TIMP3: variants seen among roughly 807,000 people sequenced by gnomAD.
The protein encoded by TIMP3 is TIMP metallopeptidase inhibitor 3, also known as metalloproteinase inhibitor 3.
TIMP3 carries 11 observed loss-of-function variants against 30.0 expected under a neutral mutation model. That is an observed-to-expected ratio of 0.37 (90% CI 0.23 to 0.61). TIMP3 has a LOEUF of 0.61. Among genes scored for constraint, TIMP3 ranks in the 20% least tolerant of loss-of-function variants. TIMP3 has a pLI of 0.70. For missense variants in TIMP3, 181 were observed against 276.8 expected (o/e 0.65, Z 2.45); for synonymous variants, 112 against 111.3 (o/e 1.01, Z -0.04).
intron 2 of TIMP3, among the ~76,000 whole-genome samples, chr22:32,854,583 G>A (rs576012037): frequency 3.1e-4 from 47 of 152,248 alleles, no homozygotes; most frequent in African/African-American, 1.1e-3. Context: ...GTCAGGGTAG[G>A]GGATGTTCTT....
intron 1 of TIMP3, among the ~76,000 whole-genome samples, chr22:32,823,443 TCTC>T (rs2047311675): frequency 6.6e-6 from 1 of 151,692 alleles, no homozygotes; most frequent in African/African-American, 2.4e-5. Context: ...CCAAAGGGAG[TCTC>T]CTCTCAGAAA....
intron 1 of TIMP3, among the ~76,000 whole-genome samples, chr22:32,829,329 C>T (rs1387333520): frequency 1.3e-5 from 2 of 152,204 alleles, no homozygotes; most frequent in Admixed American, 6.5e-5. Context: ...AAAGAATGCT[C>T]GTAATTGTTA....
intron 1 of TIMP3, among the ~76,000 whole-genome samples, chr22:32,824,358 A>AT (rs130289): frequency 1.3e-5 from 2 of 149,000 alleles, no homozygotes; most frequent in African/African-American, 2.5e-5. Flanking sequence ...ACAGATTACT[A>AT]TTTTTTTTTT....
At chr22:32,850,153 C>G (rs1015242812) in intron 2 of TIMP3, among the ~76,000 whole-genome samples, 3 of 150,860 alleles carry the variant, frequency 2.0e-5, no homozygotes, top group African/African-American at 7.3e-5. Context: ...AAACATATTA[C>G]TGAGGATATG....
At chr22:32,834,120 GGGTTGGA>G in intron 1 of TIMP3, among the ~76,000 whole-genome samples, 1 of 151,928 alleles carries the variant, frequency 6.6e-6, no homozygotes, top group East Asian at 1.9e-4. Flanking sequence ...CTAGGAACAG[GGGTTGGA>G]GGTGTGCTTC....
intron 1 of TIMP3, among the ~76,000 whole-genome samples, chr22:32,842,212 G>A (rs1013738291): frequency 1.3e-5 from 2 of 152,042 alleles, no homozygotes; most frequent in Admixed American, 6.6e-5. Flanking sequence ...ATTCCAGTAC[G>A]CCGTGATCAC....
At position 32,862,081 on chromosome 22, in the gene TIMP3, A is replaced by G. The variant is rs1418417555; in HGVS notation, c.*2704A>G. 3 of 152,518 alleles carry G rather than the reference A, an allele frequency of 2.0e-5. No homozygotes were observed. Among genetic ancestry groups the G allele is most frequent in the African/African-American group, 7.2e-5 (3 of 41,408 alleles). The allele number at this position is 152,518 out of a possible 1,614,324, so 9.4% of individuals were successfully genotyped here. A position where few individuals can be genotyped will look rare whatever the true frequency, so the allele number is the denominator to read the frequency against. Reference sequence around the variant, plus strand: ...CAGCCTCCTCCCTATTGGAATCCCAATGGCTCCTGGAGTAGGAAAAAAGTT... The same window carrying G: ...CAGCCTCCTCCCTATTGGAATCCCAGTGGCTCCTGGAGTAGGAAAAAAGTT... On this transcript the variant is annotated 3_prime_UTR_variant, in exon 5 of 5. Coordinates refer to ENST00000266085, the MANE Select transcript of TIMP3 (RefSeq NM_000362.5).
Position 32,811,922 on chromosome 22 carries a change from A to T in TIMP3, c.121+9800A>T, listed in dbSNP as rs115131183. 6.3e-3 allele frequency among the ~76,000 whole-genome samples: 963 copies of T among 152,284 alleles called. 12 individuals carry two copies. The highest frequency in any genetic ancestry group is 0.02 in the African/African-American group (844 of 41,552). On this transcript the variant is annotated intron_variant, in intron 1 of 4. Coordinates refer to ENST00000266085, the MANE Select transcript of TIMP3 (RefSeq NM_000362.5). ...CCAAAGAGAGGGCCCTAGAAATGGA[A>T]TGGTGACAATGAACTTGGCTGAAGA...
At chr22:32,803,888 C>A (rs2046655902) in intron 1 of TIMP3, among the ~76,000 whole-genome samples, 1 of 152,126 alleles carries the variant, frequency 6.6e-6, no homozygotes, top group African/African-American at 2.4e-5. Context: ...TTCCCCCTTG[C>A]CCTTTGCTTT....
At chr22:32,826,883 C>T (rs2047430263) in intron 1 of TIMP3, among the ~76,000 whole-genome samples, 2 of 152,310 alleles carry the variant, frequency 1.3e-5, no homozygotes, top group South Asian at 4.1e-4. Flanking sequence ...CCCTAGGAGC[C>T]TGCTGCCACT....
chr22:32,818,865 GGGGCTCTGAAGCCAC>G (rs1305175342), intron 1 of TIMP3, among the ~76,000 whole-genome samples: 5 of 152,204 alleles, frequency 3.3e-5, no homozygotes. Context: ...TCCCTGTCAT[GGGGCTCTGAAGCCAC>G]GGGCCAGGCA....
chr22:32,805,108 T>C (rs1224468377), intron 1 of TIMP3, among the ~76,000 whole-genome samples: 3 of 152,106 alleles, frequency 2.0e-5, no homozygotes, highest in Non-Finnish European at 4.4e-5. Flanking sequence ...AAAGAGAATT[T>C]TGCTTCAGAA....
In TIMP3 at chr22:32,830,192, G is replaced by A. The variant is rs185548415; in HGVS notation, c.122-19260G>A. On this transcript the variant is annotated intron_variant, in intron 1 of 4. Coordinates refer to ENST00000266085, the MANE Select transcript of TIMP3 (RefSeq NM_000362.5). ...TTGGAACCCCTTCGTCCTTTTTCCCGCTGCCCTCTAGCCTCTTCACTGTCT... is the reference window on the plus strand; with the variant it reads ...TTGGAACCCCTTCGTCCTTTTTCCCACTGCCCTCTAGCCTCTTCACTGTCT... 4.5e-4 allele frequency among the ~76,000 whole-genome samples: 68 copies of A among 152,002 alleles called. 1 individual carries two copies. Among genetic ancestry groups the A allele is most frequent in the African/African-American group, 1.3e-3 (54 of 41,456 alleles).
intron 1 of TIMP3, among the ~76,000 whole-genome samples, chr22:32,824,017 G>A (rs1407628534): frequency 6.6e-6 from 1 of 152,116 alleles, no homozygotes; most frequent in Non-Finnish European, 1.5e-5. Context: ...GGTGACTCAC[G>A]CCTGTAATCC....
At position 32,860,762 on chromosome 22, in the gene TIMP3, C is replaced by T. The variant is rs1246664815; in HGVS notation, c.*1385C>T. 6.6e-6 allele frequency: 1 copy of T among 152,096 alleles called. No individual in the cohort carries two copies. Among genetic ancestry groups the T allele is most frequent in the Non-Finnish European group, 1.5e-5 (1 of 68,022 alleles). The allele number at this position is 152,096 out of a possible 1,614,324, so 9.4% of individuals were successfully genotyped here. ...GTCCTGCCTGCCTTGGCTGGAGGGA[C>T]ACCTCTCCTGGGTGTGGAGACAGCT... is the stretch of plus-strand genomic sequence containing the variant. On this transcript the variant is annotated 3_prime_UTR_variant, in exon 5 of 5. Transcript: ENST00000266085.
At position 32,837,001 on chromosome 22, in the gene TIMP3, G is replaced by T. The variant is rs1028189485; in HGVS notation, c.122-12451G>T. On this transcript the variant is annotated intron_variant, in intron 1 of 4. Coordinates refer to ENST00000266085, the MANE Select transcript of TIMP3 (RefSeq NM_000362.5). This position sits in a 1 kb window ranked among gnomAD's most constrained non-coding sequence, Gnocchi z 4.1. ...GCATCTGCGGGTCTGGCGTGCAAAGGAGGGTGGTTCTTTGGCTAATGGTGG... is the reference window on the plus strand; with the variant it reads ...GCATCTGCGGGTCTGGCGTGCAAAGTAGGGTGGTTCTTTGGCTAATGGTGG... Among the ~76,000 whole-genome samples the T allele has an allele frequency of 3.3e-5, 5 of 152,218 alleles. No individual in the cohort carries two copies. The highest frequency in any genetic ancestry group is 1.2e-4 in the African/African-American group (5 of 41,440).
intron 4 of TIMP3, among the ~76,000 whole-genome samples, chr22:32,858,352 G>C (rs5998647): frequency 0.042 from 6,388 of 152,280 alleles, 436 homozygotes; most frequent in African/African-American, 0.15. Flanking sequence ...CCTTTCTGCT[G>C]TAATCGGCTG....
rs1278482388 is a variant in TIMP3, at chr22:32,859,545, T to C, written c.*168T>C. 1.2e-6 allele frequency: 1 copy of C among 865,266 alleles called. No individual in the cohort carries two copies. The highest frequency in any genetic ancestry group is 1.7e-6 in the Non-Finnish European group (1 of 577,908). 53.6% of individuals were successfully genotyped at this position (865,266 alleles called of 1,614,324 possible). ...CTGTCATATGGGGTTTATTGGGAAC[T>C]ATCCTCCTGGCCCCACCCTGCCCCT... On this transcript the variant is annotated 3_prime_UTR_variant, in exon 5 of 5. Transcript: ENST00000266085.
At chr22:32,830,411 G>T (rs1397526550) in intron 1 of TIMP3, among the ~76,000 whole-genome samples, 1 of 152,156 alleles carries the variant, frequency 6.6e-6, no homozygotes, top group Non-Finnish European at 1.5e-5. Flanking sequence ...ACAGTCTATA[G>T]CTAGGAGGAG....
Sources: gnomAD v4.1 joint callset for allele counts (sites outside exome capture counted in the v4.1 genomes callset) on GRCh38, gnomAD v4.1.1 for gene constraint, Gnocchi (gnomAD v3.1) non-coding constraint, MANE v1.5 for transcripts, NCBI Gene and HGNC (gene_info 2026-07-23, HGNC 2026-07-21) for gene names.